Variants in CBR4 observed in about 807,000 individuals in gnomAD.
CBR4 encodes 3-oxoacyl-[acyl-carrier-protein] reductase.
Under a neutral mutation model 21.0 loss-of-function variants are expected in CBR4, and 22 were observed. That is an observed-to-expected ratio of 1.05 (90% CI 0.75 to 1.50). CBR4 has a LOEUF of 1.50. Among genes scored for constraint, CBR4 ranks in the 40% most tolerant of loss-of-function variants. CBR4 has a pLI of 0.00. For missense variants in CBR4, 302 were observed against 286.3 expected (o/e 1.05, Z -0.40); for synonymous variants, 100 against 104.4 (o/e 0.96, Z 0.26).
chr4:168,910,427 C>T (rs1289646669), intron 2 of CBR4, among the ~76,000 whole-genome samples: 1 of 152,026 alleles, frequency 6.6e-6, no homozygotes, highest in Non-Finnish European at 1.5e-5. Flanking sequence ...ACATAGTCTG[C>T]CTCCTGTGCC....
At chr4:168,898,210 T>A in intron 2 of CBR4, 1 of 463,154 alleles carries the variant, frequency 2.2e-6, no homozygotes, top group Non-Finnish European at 4.0e-6. Context: ...TTTCTTTCCT[T>A]CCCCTTGTTT....
chr4:168,910,220 C>CTTTTTTTTTTTT lies in CBR4; in HGVS notation n.170-15467_170-15456dup. Among the ~76,000 whole-genome samples the CTTTTTTTTTTTT allele has an allele frequency of 1.8e-5, 2 of 114,010 alleles. 1 individual carries two copies. The highest frequency in any genetic ancestry group is 6.4e-5 in the African/African-American group (2 of 31,202). 74.8% of individuals were successfully genotyped at this position (114,010 alleles called of 152,430 possible). A position where few individuals can be genotyped will look rare whatever the true frequency, so the allele number is the denominator to read the frequency against. On this transcript the variant is annotated intron_variant and non_coding_transcript_variant, in intron 2 of 3. Transcript: ENST00000509108. Reference sequence around the variant, plus strand: ...CCAGAGTAGTATGCCAACCTGTTTACTTTTTTTTTTTTTTTTTTTTTGAGA... The same window carrying CTTTTTTTTTTTT: ...CCAGAGTAGTATGCCAACCTGTTTACTTTTTTTTTTTTTTTTTTTTTTTTTTTTTTTTTGAGA...
At chr4:168,901,200 A>T (rs1208929754) in intron 2 of CBR4, among the ~76,000 whole-genome samples, 1 of 152,170 alleles carries the variant, frequency 6.6e-6, no homozygotes, top group Non-Finnish European at 1.5e-5. Context: ...TGCCATATAA[A>T]TTACATTAGG....
intron 2 of CBR4, among the ~76,000 whole-genome samples, chr4:168,953,811 G>T (rs926741888): frequency 6.6e-6 from 1 of 151,964 alleles, no homozygotes; most frequent in African/African-American, 2.4e-5. Context: ...ATATGACAGG[G>T]ATCTAAATAA....
intron 2 of CBR4, among the ~76,000 whole-genome samples, chr4:168,931,747 C>T (rs1762975522): frequency 6.6e-6 from 1 of 152,150 alleles, no homozygotes; most frequent in Non-Finnish European, 1.5e-5. Context: ...AGAAACAATC[C>T]AGTGAGCCCA....
At chr4:168,929,291 G>A (rs73864666) in intron 2 of CBR4, among the ~76,000 whole-genome samples, 3,183 of 152,168 alleles carry the variant, frequency 0.021, 98 homozygotes, top group African/African-American at 0.073. Context: ...TTCCTACTAC[G>A]GGAAAGAGAA....
Position 168,989,762 on chromosome 4 carries a change from ATTGC to A in CBR4, c.*384_*387del. ...ACTTGCAAAATGTCTATACACTAAG[ATTGC>A]TACAGTCTATGAGGTAACCAAAGGT... On this transcript the variant is annotated 3_prime_UTR_variant, in exon 5 of 5. Transcript: ENST00000306193. 1.0e-6 allele frequency: 1 copy of A among 989,104 alleles called. No individual in the cohort carries two copies. The highest frequency in any genetic ancestry group is 1.7e-5 in the African/African-American group (1 of 57,534). 61.3% of individuals were successfully genotyped at this position (989,104 alleles called of 1,614,324 possible). A position where few individuals can be genotyped will look rare whatever the true frequency, so the allele number is the denominator to read the frequency against.
intron 2 of CBR4, among the ~76,000 whole-genome samples, chr4:168,899,083 C>T (rs1258592150): frequency 6.6e-6 from 1 of 152,160 alleles, no homozygotes; most frequent in Admixed American, 6.5e-5. Flanking sequence ...ACCCAGTGCT[C>T]TGTACCATAC....
chr4:168,920,833 TGAG>T (rs1454849796), intron 2 of CBR4, among the ~76,000 whole-genome samples: 2 of 152,210 alleles, frequency 1.3e-5, no homozygotes, highest in African/African-American at 4.8e-5. Context: ...TGCTCCTTGA[TGAG>T]AAGCTTTACA....
chr4:168,946,428 G>A (rs1477266612), intron 2 of CBR4, among the ~76,000 whole-genome samples: 1 of 152,172 alleles, frequency 6.6e-6, no homozygotes, highest in African/African-American at 2.4e-5. Flanking sequence ...TCATTTGCCT[G>A]TTTTACTCTA....
chr4:168,946,410 C>A (rs1002327527), intron 2 of CBR4, among the ~76,000 whole-genome samples: 3 of 152,230 alleles, frequency 2.0e-5, no homozygotes, highest in Admixed American at 6.5e-5. Flanking sequence ...CAAAATAATA[C>A]TACAATGTCA....
At chr4:168,937,313 A>G (rs1356224307) in intron 2 of CBR4, among the ~76,000 whole-genome samples, 1 of 152,208 alleles carries the variant, frequency 6.6e-6, no homozygotes, top group Non-Finnish European at 1.5e-5. Flanking sequence ...TGAAGGAAGC[A>G]CTAAACATGG....
chr4:168,933,800 T>C (rs1440377191), intron 2 of CBR4, among the ~76,000 whole-genome samples: 1 of 152,012 alleles, frequency 6.6e-6, no homozygotes, highest in Non-Finnish European at 1.5e-5. Context: ...AACACTGAAA[T>C]CATATCAAGT....
Position 168,961,906 on chromosome 4 carries a change from A to AGAGGG in CBR4, n.169+40160_169+40164dup, listed in dbSNP as rs1165184256. On this transcript the variant is annotated intron_variant and non_coding_transcript_variant, in intron 2 of 3. Coordinates refer to the CBR4 transcript ENST00000509108. ...CTCTGTCATAGAAAGAAAGGAAGGG[A>AGAGGG]GAGGGGAGGGGAGGGGAGAACAAGA... 2.7e-5 allele frequency among the ~76,000 whole-genome samples: 4 copies of AGAGGG among 147,004 alleles called. No individual in the cohort carries two copies. In the Admixed American group the frequency reaches 2.8e-4, roughly 10 times the overall value.
At chr4:168,905,531 A>AT (rs1422563398) in intron 2 of CBR4, among the ~76,000 whole-genome samples, 2 of 151,868 alleles carry the variant, frequency 1.3e-5, no homozygotes, top group Non-Finnish European at 2.9e-5. Flanking sequence ...ATATAAATAT[A>AT]TTTTTCTGCA....
At chr4:168,990,357 A>G in intron 4 of CBR4, 29 bp from the exon 5 acceptor site, 2 of 1,548,176 alleles carry the variant, frequency 1.3e-6, no homozygotes, top group Non-Finnish European at 1.7e-6. Context: ...TTTAGTTGAA[A>G]AGGGTACACA....
In CBR4 at chr4:169,007,762, C is replaced by A. The variant is rs1579034180; in HGVS notation, c.143-6G>T. The A allele has an allele frequency of 4.5e-6, 7 of 1,563,678 alleles. No individual in the cohort carries two copies. The East Asian group carries it at 1.7e-4, about 37-fold the overall frequency. ...GCTAAATGCCAAATGATCTCCTACA[C>A]AACAAAGTTAAATAAGAATTACTTA... On this transcript the variant is annotated splice_polypyrimidine_tract_variant and splice_region_variant and intron_variant, in intron 1 of 4. Coordinates refer to ENST00000306193, the MANE Select transcript of CBR4 (RefSeq NM_032783.5).
At chr4:168,924,126 T>A (rs760348849) in intron 2 of CBR4, 5 of 766,916 alleles carry the variant, frequency 6.5e-6, no homozygotes, top group Non-Finnish European at 1.1e-5. Flanking sequence ...GGGACTAGCA[T>A]CTTACCACCT....
intron 2 of CBR4, among the ~76,000 whole-genome samples, chr4:168,941,483 AT>A (rs1430918138): frequency 6.6e-6 from 1 of 152,208 alleles, no homozygotes; most frequent in Non-Finnish European, 1.5e-5. Flanking sequence ...CGGAAAAAGC[AT>A]TTGGTAAAAT....
Sources: gnomAD v4.1 joint callset for allele counts (sites outside exome capture counted in the v4.1 genomes callset) on GRCh38, gnomAD v4.1.1 for gene constraint, MANE v1.5 for transcripts, NCBI Gene and HGNC (gene_info 2026-07-23, HGNC 2026-07-21) for gene names.